Variants in EAF2 observed in about 807,000 individuals in gnomAD.
The protein encoded by EAF2 is ELL-associated factor 2.
In EAF2, 29 loss-of-function variants were observed where a neutral mutation model predicts 29.4. That is an observed-to-expected ratio of 0.99 (90% CI 0.73 to 1.35). EAF2 has a LOEUF of 1.35. Ranked by LOEUF, EAF2 falls within the 40% of genes most tolerant of loss-of-function variation. EAF2 has a pLI of 0.00. For synonymous variants in EAF2, 103 were observed against 102.5 expected, an observed-to-expected ratio of 1.00 and a Z score of -0.03; for missense variants, 292 against 312.0, an observed-to-expected ratio of 0.94 and a Z score of 0.48.
intron 4 of EAF2, among the ~76,000 whole-genome samples, chr3:121,866,276 G>A (rs1036827217): frequency 6.6e-6 from 1 of 152,078 alleles, no homozygotes; most frequent in Non-Finnish European, 1.5e-5. Context: ...TAAAAACTCT[G>A]AAAACGAGAT....
At chr3:121,837,053 C>G (rs369049232) in intron 1 of EAF2, among the ~76,000 whole-genome samples, 1 of 86,616 alleles carries the variant, frequency 1.2e-5, no homozygotes, top group African/African-American at 4.4e-5. Flanking sequence ...TGAAAATAAA[C>G]AAAAATAAGC....
intron 5 of EAF2, chr3:121,873,043 A>G (rs1162322241): frequency 1.4e-6 from 1 of 717,894 alleles, no homozygotes. Context: ...CTCAGTCATT[A>G]AAGTTGGAGT....
At position 121,866,228 on chromosome 3, in the gene EAF2, C is replaced by A. The variant is rs1708924035; in HGVS notation, c.485-6309C>A. ...CAGCAGGGATCATCGGGGACCCTAG[C>A]TGCTGGAGATTTAGTTGAGAAGACC... On this transcript the variant is annotated intron_variant, in intron 4 of 5. Transcript: ENST00000273668. Among the ~76,000 whole-genome samples the A allele has an allele frequency of 2.0e-5, 3 of 152,092 alleles. No homozygotes were observed. In the South Asian group the frequency reaches 6.2e-4, roughly 31 times the overall value.
Position 121,872,799 on chromosome 3 carries a change from A to T in EAF2, c.736+11A>T, listed in dbSNP as rs540591351. 6.3e-7 allele frequency: 1 copy of T among 1,598,440 alleles called. No homozygotes were observed. The highest frequency in any genetic ancestry group is 1.1e-5 in the South Asian group (1 of 88,522). On this transcript the variant is annotated intron_variant, in intron 5 of 5. Coordinates refer to ENST00000273668, the MANE Select transcript of EAF2 (RefSeq NM_018456.6). ...TGATGAATACTTTAAGTAAGTATAC[A>T]TAAACACAGGCAATTGGAAAAGTAA...
At chr3:121,845,458 A>G (rs1222152100) in intron 2 of EAF2, among the ~76,000 whole-genome samples, 3 of 147,982 alleles carry the variant, frequency 2.0e-5, no homozygotes, top group Admixed American at 1.4e-4. Flanking sequence ...AAAAAAAAAA[A>G]AAAAGAAAGA....
At chr3:121,858,172 C>T (rs74734662) in intron 4 of EAF2, among the ~76,000 whole-genome samples, 5,028 of 120,296 alleles carry the variant, frequency 0.042, no homozygotes, top group East Asian at 0.23. Context: ...TATAATCCTT[C>T]GGGTATATAC....
chr3:121,870,833 GAA>G (rs1708998824), intron 4 of EAF2, among the ~76,000 whole-genome samples: 1 of 152,008 alleles, frequency 6.6e-6, no homozygotes, highest in Non-Finnish European at 1.5e-5. Context: ...TCAAAGAAAT[GAA>G]AATTAAAACT....
chr3:121,870,741 C>T (rs946873754), intron 4 of EAF2, among the ~76,000 whole-genome samples: 2 of 151,980 alleles, frequency 1.3e-5, no homozygotes, highest in African/African-American at 4.8e-5. Flanking sequence ...TAAAAATGGA[C>T]AAAAGATTTG....
At chr3:121,845,717 A>G (rs1708519177) in intron 2 of EAF2, among the ~76,000 whole-genome samples, 2 of 151,876 alleles carry the variant, frequency 1.3e-5, no homozygotes, top group Admixed American at 6.6e-5. Flanking sequence ...TAGAATTCTA[A>G]TGATTAGATT....
chr3:121,879,620 C>CTT (rs3047611), intron 5 of EAF2, among the ~76,000 whole-genome samples: 121,969 of 144,762 alleles, frequency 0.84, 51,673 homozygotes, highest in East Asian at 0.91. Context: ...TTCTTTCTTT[C>CTT]TTTTTTTTTT....
At chr3:121,865,117 T>C (rs1708901149) in intron 4 of EAF2, among the ~76,000 whole-genome samples, 1 of 152,046 alleles carries the variant, frequency 6.6e-6, no homozygotes, top group Non-Finnish European at 1.5e-5. Flanking sequence ...GAAAAGAACG[T>C]TGTAGAGGAG....
chr3:121,840,519 A>AAAAAAAAAAAAAC (rs1708398539), intron 1 of EAF2, among the ~76,000 whole-genome samples: 1 of 128,914 alleles, frequency 7.8e-6, no homozygotes, highest in African/African-American at 3.0e-5. Context: ...GAAAAAAAAA[A>AAAAAAAAAAAAAC]AACGGGCCGG....
At chr3:121,859,009 G>A (rs549844394) in intron 4 of EAF2, among the ~76,000 whole-genome samples, 1 of 152,272 alleles carries the variant, frequency 6.6e-6, no homozygotes, top group African/African-American at 2.4e-5. Context: ...TGAAGCCTCT[G>A]TTATGTTCCA....
intron 2 of EAF2, among the ~76,000 whole-genome samples, chr3:121,844,988 A>AAGCAAGC (rs1708497525): frequency 3.3e-5 from 5 of 152,218 alleles, no homozygotes; most frequent in Admixed American, 3.3e-4. Flanking sequence ...AAGCTTCATA[A>AAGCAAGC]AGCAAGCAAT....
chr3:121,857,858 G>T (rs1412705723), intron 4 of EAF2, among the ~76,000 whole-genome samples: 15 of 151,460 alleles, frequency 9.9e-5, no homozygotes, highest in Non-Finnish European at 2.1e-4. Context: ...GTGTGTGATG[G>T]ACACCCTGTG....
chr3:121,850,347 T>A (rs541349486), intron 2 of EAF2, among the ~76,000 whole-genome samples: 1 of 152,064 alleles, frequency 6.6e-6, no homozygotes, highest in South Asian at 2.1e-4. Context: ...TTTTCATTGC[T>A]TTTTTTGATT....
intron 2 of EAF2, among the ~76,000 whole-genome samples, chr3:121,847,449 A>G (rs1379146822): frequency 6.6e-6 from 1 of 152,226 alleles, no homozygotes; most frequent in Non-Finnish European, 1.5e-5. Flanking sequence ...AAACATTTGA[A>G]GAACTACATA....
intron 5 of EAF2, among the ~76,000 whole-genome samples, chr3:121,885,174 AGTT>A (rs749799530): frequency 5.9e-5 from 9 of 152,214 alleles, no homozygotes; most frequent in Non-Finnish European, 8.8e-5. Context: ...TGATTTATCC[AGTT>A]GTTCACAACA....
chr3:121,861,495 T>C (rs1708829987), intron 4 of EAF2, among the ~76,000 whole-genome samples: 1 of 152,180 alleles, frequency 6.6e-6, no homozygotes, highest in African/African-American at 2.4e-5. Flanking sequence ...TTGCAACCCC[T>C]GCTTTTTTTT....
Sources: allele counts gnomAD v4.1 joint callset (sites outside exome capture counted in the v4.1 genomes callset), GRCh38; gene constraint gnomAD v4.1.1; transcripts MANE v1.5; gene names NCBI Gene and HGNC (gene_info 2026-07-23, HGNC 2026-07-21).